MAMDC2: variants seen among roughly 807,000 people sequenced by gnomAD.
MAMDC2 encodes the protein MAM domain-containing protein 2.
Under a neutral mutation model 89.8 loss-of-function variants are expected in MAMDC2, and 57 were observed. That is an observed-to-expected ratio of 0.63 (90% confidence interval 0.51 to 0.79). MAMDC2 has a LOEUF of 0.79. Among genes scored for constraint, MAMDC2 ranks in the 30% least tolerant of loss-of-function variants. The pLI, the probability that MAMDC2 is intolerant of heterozygous loss-of-function variation, is 0.00. For missense variants in MAMDC2, 800 were observed against 820.6 expected (o/e 0.97, Z 0.31); for synonymous variants, 313 against 293.4 (o/e 1.07, Z -0.68).
intron 9 of MAMDC2, among the ~76,000 whole-genome samples, chr9:70,144,859 T>A (rs1217737194): frequency 6.6e-6 from 1 of 152,234 alleles, no homozygotes; most frequent in Non-Finnish European, 1.5e-5. Flanking sequence ...TGTCCATCTA[T>A]AACTTCCTGC....
At chr9:70,133,381 G>T (rs1476912484) in intron 7 of MAMDC2, among the ~76,000 whole-genome samples, 1 of 152,166 alleles carries the variant, frequency 6.6e-6, no homozygotes, top group African/African-American at 2.4e-5. Flanking sequence ...CTGGTGAAAG[G>T]AAAAGAAACG....
intron 2 of MAMDC2, among the ~76,000 whole-genome samples, chr9:70,089,933 G>T (rs1477406846): frequency 6.6e-6 from 1 of 152,138 alleles, no homozygotes; most frequent in Non-Finnish European, 1.5e-5. Flanking sequence ...TTATACTCAT[G>T]TAAATAGAAG....
At chr9:70,051,402 T>C (rs2117983493) in intron 2 of MAMDC2, among the ~76,000 whole-genome samples, 1 of 152,282 alleles carries the variant, frequency 6.6e-6, no homozygotes, top group Non-Finnish European at 1.5e-5. Context: ...AGTCAGCTAA[T>C]ATGTGGGGAG....
At chr9:70,183,105 TCC>T (rs2032679687) in intron 11 of MAMDC2, among the ~76,000 whole-genome samples, 2 of 152,220 alleles carry the variant, frequency 1.3e-5, no homozygotes, top group Admixed American at 6.5e-5. Flanking sequence ...TTTGTTGTTT[TCC>T]CAGTAGTCAT....
chr9:70,077,282 C>T (rs1396867211), intron 2 of MAMDC2, among the ~76,000 whole-genome samples: 1 of 152,198 alleles, frequency 6.6e-6, no homozygotes, highest in Non-Finnish European at 1.5e-5. Context: ...CCTCCTTCTT[C>T]CTCCCTTCCT....
chr9:70,093,905 C>G (rs1327225512), intron 2 of MAMDC2: 1 of 152,094 alleles, frequency 6.6e-6, no homozygotes, highest in Non-Finnish European at 1.5e-5. Context: ...AGTGAAGCTC[C>G]CTTTCCAAAT....
chr9:70,172,047 A>T (rs539675938), intron 11 of MAMDC2: 1 of 152,330 alleles, frequency 6.6e-6, no homozygotes, highest in South Asian at 2.1e-4. Context: ...TGTAATAATG[A>T]ACAGCTTTAT....
chr9:70,077,715 G>A (rs537225590), intron 2 of MAMDC2, among the ~76,000 whole-genome samples: 2 of 152,118 alleles, frequency 1.3e-5, no homozygotes, highest in Non-Finnish European at 2.9e-5. Context: ...AGTTATCATT[G>A]ACCCTTGCTT....
In MAMDC2 at chr9:70,108,370, A is replaced by G. The variant is rs1168633533; in HGVS notation, c.308A>G (p.Tyr103Cys). 1.2e-6 allele frequency: 2 copies of G among 1,613,980 alleles called. No individual in the cohort carries two copies. Among genetic ancestry groups the G allele is most frequent in the Non-Finnish European group, 1.7e-6 (2 of 1,179,974 alleles). Residue 103 changes from tyrosine to cysteine, a missense_variant, in exon 3 of 14, where the codon TAC (tyrosine) becomes TGC (cysteine). Transcript: ENST00000377182. ...SLSDPSQLNL[Y>C]MRFEDESFDR... is the part of the protein sequence containing the mutation. The stretch of plus-strand genomic sequence containing the variant: ...TCAGATCCCAGCCAGCTGAACCTCT[A>G]CATGAGATTTGAAGATGAAAGCTTT...
chr9:70,125,913 G>C (rs2030516127), intron 5 of MAMDC2, among the ~76,000 whole-genome samples: 1 of 152,142 alleles, frequency 6.6e-6, no homozygotes, highest in African/African-American at 2.4e-5. Context: ...TCAAAAGTAA[G>C]GAAAGTAAAA....
intron 11 of MAMDC2, among the ~76,000 whole-genome samples, chr9:70,182,172 T>G (rs2032658263): frequency 6.6e-6 from 1 of 152,220 alleles, no homozygotes; most frequent in East Asian, 1.9e-4. Flanking sequence ...GATTTGTGTA[T>G]GTCGAACCAG....
At chr9:70,093,738 C>T (rs561713200) in intron 2 of MAMDC2, 1 of 152,170 alleles carries the variant, frequency 6.6e-6, no homozygotes, top group South Asian at 2.1e-4. Flanking sequence ...GGCCTAAATA[C>T]AGGGACATTT....
chr9:70,091,649 T>C (rs1299754340), intron 2 of MAMDC2, among the ~76,000 whole-genome samples: 1 of 152,208 alleles, frequency 6.6e-6, no homozygotes, highest in Non-Finnish European at 1.5e-5. Context: ...CAGCAGATAC[T>C]CTCTGAGCCA....
chr9:70,198,806 AAATATT>A (rs1372614233), intron 11 of MAMDC2, among the ~76,000 whole-genome samples: 2 of 152,182 alleles, frequency 1.3e-5, no homozygotes, highest in African/African-American at 4.8e-5. Context: ...TGTGTGATTG[AAATATT>A]AATAACACAA....
At chr9:70,225,650 A>C in intron 12 of MAMDC2, 100 bp from the exon 13 acceptor site, 1 of 678,760 alleles carries the variant, frequency 1.5e-6, no homozygotes, top group Non-Finnish European at 2.6e-6. Flanking sequence ...GATCCTCAAG[A>C]GCAATCTACG....
In MAMDC2 at chr9:70,101,357, A is replaced by C. The variant is rs181545581; in HGVS notation, c.149-6854A>C. Among the ~76,000 whole-genome samples, 548 of 149,556 alleles carry C rather than the reference A, an allele frequency of 3.7e-3. 3 individuals carry two copies. Among genetic ancestry groups the C allele is most frequent in the African/African-American group, 0.013 (490 of 38,936 alleles). On this transcript the variant is annotated intron_variant, in intron 2 of 13. Coordinates refer to ENST00000377182, the MANE Select transcript of MAMDC2 (RefSeq NM_153267.5). ...CGAAGGTTAATTCATTATTGAAAAA[A>C]GAAAAATATTTTATATAAATTCAGA...
chr9:70,105,338 A>G (rs1828309921), intron 2 of MAMDC2, among the ~76,000 whole-genome samples: 1 of 152,190 alleles, frequency 6.6e-6, no homozygotes, highest in African/African-American at 2.4e-5. Flanking sequence ...AAGGATTCTA[A>G]GGCTGTATCC....
At chr9:70,093,439 T>C (rs1483508987) in intron 2 of MAMDC2, among the ~76,000 whole-genome samples, 5 of 151,174 alleles carry the variant, frequency 3.3e-5, no homozygotes, top group African/African-American at 9.7e-5. Context: ...TTTTTTTTTT[T>C]CTTCAGATGG....
chr9:70,210,448 TTG>T (rs1326951296), intron 11 of MAMDC2, among the ~76,000 whole-genome samples: 1 of 152,222 alleles, frequency 6.6e-6, no homozygotes, highest in Non-Finnish European at 1.5e-5. Flanking sequence ...AAGACTAGGA[TTG>T]CAACCCCTGC....
Sources: allele counts gnomAD v4.1 joint callset (sites outside exome capture counted in the v4.1 genomes callset), GRCh38; gene constraint gnomAD v4.1.1; transcripts MANE v1.5; gene names NCBI Gene and HGNC (gene_info 2026-07-23, HGNC 2026-07-21).